The following USH2A variants were observed in gnomAD, a reference collection of about 807,000 sequenced individuals.
The protein encoded by USH2A is usherin, also known as Usher syndrome 2A (autosomal recessive, mild).
In USH2A, 443 loss-of-function variants were observed where a neutral mutation model predicts 538.9. The observed-to-expected ratio is 0.82, with a 90% CI of 0.76 to 0.89. The LOEUF is 0.89. Among genes scored for constraint, USH2A ranks in the 40% least tolerant of loss-of-function variants. The probability of loss-of-function intolerance (pLI) is 0.00; values close to 1 mark genes in which losing one functional copy is unlikely to be tolerated. For missense variants in USH2A, 6,633 were observed against 6,324.8 expected, an observed-to-expected ratio of 1.05 and a Z score of -1.65; for synonymous variants, 2,413 against 2,273.5, an observed-to-expected ratio of 1.06 and a Z score of -1.75.
intron 21 of USH2A, chr1:216,174,934 C>A: frequency 8.5e-7 from 1 of 1,179,564 alleles, no homozygotes; most frequent in Admixed American, 3.9e-5. Context: ...GCTCAGAGAA[C>A]ACAGTGAATA....
intron 3 of USH2A, among the ~76,000 whole-genome samples, chr1:216,369,293 C>T (rs1362024476): frequency 6.6e-6 from 1 of 151,988 alleles, no homozygotes; most frequent in Non-Finnish European, 1.5e-5. Context: ...TGTTGTATTC[C>T]CCTACCTACG....
At chr1:216,370,779 G>A (rs1173548922) in intron 3 of USH2A, among the ~76,000 whole-genome samples, 2 of 150,564 alleles carry the variant, frequency 1.3e-5, no homozygotes, top group African/African-American at 2.4e-5. Flanking sequence ...ATAAGTTGCA[G>A]TCAGTTAGGG....
At chr1:215,868,411 A>T (rs1252620886) in intron 43 of USH2A, among the ~76,000 whole-genome samples, 2 of 152,186 alleles carry the variant, frequency 1.3e-5, no homozygotes, top group African/African-American at 2.4e-5. Flanking sequence ...TTGTAATTAC[A>T]GGTAAAACTT....
chr1:215,669,576 T>C (rs1334734927), intron 64 of USH2A, among the ~76,000 whole-genome samples: 1 of 152,184 alleles, frequency 6.6e-6, no homozygotes, highest in Non-Finnish European at 1.5e-5. Flanking sequence ...CATATAAATA[T>C]TCATATTAAA....
At chr1:216,179,390 A>G (rs1174790006) in intron 20 of USH2A, among the ~76,000 whole-genome samples, 1 of 152,154 alleles carries the variant, frequency 6.6e-6, no homozygotes, top group Non-Finnish European at 1.5e-5. Flanking sequence ...TTAAACTTTA[A>G]GTAGTAGAGC....
intron 3 of USH2A, among the ~76,000 whole-genome samples, chr1:216,401,351 C>T (rs1206110328): frequency 6.6e-6 from 1 of 151,930 alleles, no homozygotes; most frequent in Admixed American, 6.6e-5. Context: ...ACGTAACCTA[C>T]AGCAAGGTCA....
At chr1:215,810,972 G>T (rs779224408) in intron 49 of USH2A, among the ~76,000 whole-genome samples, 65 of 152,056 alleles carry the variant, frequency 4.3e-4, no homozygotes, top group Admixed American at 1.3e-3. Flanking sequence ...ATGAGTGAAG[G>T]TTCTCTGCCT....
intron 30 of USH2A, among the ~76,000 whole-genome samples, chr1:216,049,285 G>C (rs1209145792): frequency 6.6e-6 from 1 of 152,138 alleles, no homozygotes; most frequent in East Asian, 1.9e-4. Context: ...TAAGACACCT[G>C]TCTTAAACGG....
chr1:215,772,581 G>C (rs1387004148), intron 55 of USH2A, among the ~76,000 whole-genome samples: 1 of 152,134 alleles, frequency 6.6e-6, no homozygotes, highest in Non-Finnish European at 1.5e-5. Context: ...CAAAAAGTCT[G>C]CCTTTAGTTC....
intron 38 of USH2A, among the ~76,000 whole-genome samples, chr1:215,912,144 T>C (rs1665799614): frequency 6.6e-6 from 1 of 152,130 alleles, no homozygotes; most frequent in South Asian, 2.1e-4. Flanking sequence ...TTCCATTCTG[T>C]GGGGTGTTCC....
intron 35 of USH2A, among the ~76,000 whole-genome samples, chr1:215,981,143 T>C (rs1667742960): frequency 6.6e-6 from 1 of 152,144 alleles, no homozygotes; most frequent in South Asian, 2.1e-4. Context: ...AAAAATGGTA[T>C]CTTGTTTGGG....
At chr1:216,112,500 G>T (rs372658430) in intron 21 of USH2A, among the ~76,000 whole-genome samples, 110 of 152,122 alleles carry the variant, frequency 7.2e-4, no homozygotes, top group African/African-American at 2.5e-3. Context: ...ACATGTGAAG[G>T]TTTGTTACAT....
At chr1:216,048,799 A>G in intron 30 of USH2A, 152 bp from the exon 31 acceptor site, 1 of 763,376 alleles carries the variant, frequency 1.3e-6, no homozygotes, top group Non-Finnish European at 2.3e-6. Context: ...TCTTTCAGTC[A>G]TTTTCCTCCC....
chr1:216,151,780 A>G (rs1341964070), intron 21 of USH2A, among the ~76,000 whole-genome samples: 1 of 152,160 alleles, frequency 6.6e-6, no homozygotes, highest in Non-Finnish European at 1.5e-5. Flanking sequence ...AAAAAAACTC[A>G]AGGATAGAGC....
intron 60 of USH2A, among the ~76,000 whole-genome samples, chr1:215,735,312 C>G (rs768458451): frequency 6.6e-6 from 1 of 152,178 alleles, no homozygotes; most frequent in African/African-American, 2.4e-5. Context: ...TCCATGATAT[C>G]TTAGAGTTCT....
At chr1:215,849,262 T>C (rs1394449771) in intron 44 of USH2A, among the ~76,000 whole-genome samples, 2 of 151,892 alleles carry the variant, frequency 1.3e-5, no homozygotes, top group East Asian at 3.9e-4. Flanking sequence ...GTACCAAAAA[T>C]AAAAAAGGGA....
Position 216,415,508 on chromosome 1 carries a change from C to CTTTTTTTTTTTTT in USH2A, c.651+2993_651+3005dup, listed in dbSNP as rs71161423. ...TCCTAATCTCCTGTCCTTCCTGTCA[C>CTTTTTTTTTTTTT]TTTTTTTTTTTTTTTTTTTTTTTTT... On this transcript the variant is annotated intron_variant, in intron 3 of 71. Coordinates refer to ENST00000307340, the MANE Select transcript of USH2A (RefSeq NM_206933.4). Among the ~76,000 whole-genome samples the CTTTTTTTTTTTTT allele has an allele frequency of 4.4e-4, 43 of 96,868 alleles. 1 individual carries two copies. Among genetic ancestry groups the CTTTTTTTTTTTTT allele is most frequent in the East Asian group, 4.3e-3 (12 of 2,816 alleles). 63.5% of individuals were successfully genotyped at this position (96,868 alleles called of 152,430 possible). A position where few individuals can be genotyped will look rare whatever the true frequency, so the allele number is the denominator to read the frequency against.
At chr1:216,152,904 AGG>A (rs1225649110) in intron 21 of USH2A, among the ~76,000 whole-genome samples, 14 of 152,190 alleles carry the variant, frequency 9.2e-5, no homozygotes, top group African/African-American at 3.4e-4. Context: ...CCCAAACCCC[AGG>A]CTCCATGAGC....
intron 70 of USH2A, among the ~76,000 whole-genome samples, chr1:215,631,881 G>A (rs1223894496): frequency 6.6e-6 from 1 of 152,214 alleles, no homozygotes; most frequent in Non-Finnish European, 1.5e-5. Flanking sequence ...GCCTAAGTCT[G>A]TCCCCAGAGG....
Sources: allele counts gnomAD v4.1 joint callset (sites outside exome capture counted in the v4.1 genomes callset), GRCh38; gene constraint gnomAD v4.1.1; transcripts MANE v1.5; gene names NCBI Gene and HGNC (gene_info 2026-07-23, HGNC 2026-07-21).